The following EPC2 variants were observed in gnomAD, a reference collection of about 807,000 sequenced individuals.
EPC2 encodes the protein enhancer of polycomb homolog 2.
A neutral mutation model predicts 92.1 loss-of-function variants in EPC2; 14 were observed. The observed-to-expected ratio is 0.15, with a 90% CI of 0.10 to 0.24. The LOEUF (loss-of-function observed/expected upper bound fraction) is 0.24. Among genes scored for constraint, EPC2 ranks in the 10% least tolerant of loss-of-function variants. The probability of loss-of-function intolerance (pLI) is 1.00; values close to 1 mark genes in which losing one functional copy is unlikely to be tolerated. For missense variants in EPC2, 755 were observed against 971.5 expected (o/e 0.78, Z 2.96); for synonymous variants, 340 against 334.7 (o/e 1.02, Z -0.17).
At chr2:148,645,327 T>G in intron 1 of EPC2, 157 bp downstream of exon 1, 1 of 627,714 alleles carries the variant, frequency 1.6e-6, no homozygotes. Flanking sequence ...GTAAACCCTC[T>G]CGGCCGGCGT....
At chr2:148,664,624 C>G (rs892405367) in intron 1 of EPC2, among the ~76,000 whole-genome samples, 25 of 152,188 alleles carry the variant, frequency 1.6e-4, no homozygotes, top group Admixed American at 9.2e-4. Context: ...ATCAACAGAT[C>G]TCATCCCCCA....
At chr2:148,696,882 G>C (rs1019282280) in intron 2 of EPC2, among the ~76,000 whole-genome samples, 2 of 152,148 alleles carry the variant, frequency 1.3e-5, no homozygotes, top group Admixed American at 1.3e-4. Context: ...TCCATGGGCT[G>C]TCTACCTACA....
chr2:148,691,041 C>G (rs949259394), intron 2 of EPC2, among the ~76,000 whole-genome samples: 2 of 152,150 alleles, frequency 1.3e-5, no homozygotes, highest in Admixed American at 6.5e-5. Flanking sequence ...AATCTAATGC[C>G]TTTACTTTCA....
At chr2:148,702,175 TATC>T (rs1478120498) in intron 2 of EPC2, among the ~76,000 whole-genome samples, 2 of 152,222 alleles carry the variant, frequency 1.3e-5, no homozygotes, top group Non-Finnish European at 1.5e-5. Flanking sequence ...ACTGATTTCT[TATC>T]ATTTTAGAAA....
At chr2:148,774,625 T>C (rs942632510) in intron 10 of EPC2, among the ~76,000 whole-genome samples, 1 of 139,964 alleles carries the variant, frequency 7.1e-6, no homozygotes, top group Non-Finnish European at 1.5e-5. Context: ...AAATATATTT[T>C]ATATATATAT....
chr2:148,646,698 T>A (rs1399475274), intron 1 of EPC2, among the ~76,000 whole-genome samples: 1 of 152,100 alleles, frequency 6.6e-6, no homozygotes, highest in Non-Finnish European at 1.5e-5. Context: ...CATTGAACCC[T>A]AATAAGCACA....
chr2:148,652,763 G>A, intron 1 of EPC2, among the ~76,000 whole-genome samples: 1 of 152,098 alleles, frequency 6.6e-6, no homozygotes, highest in Non-Finnish European at 1.5e-5. Context: ...TTGGCTTATC[G>A]TTCTTTTATG....
At chr2:148,688,213 T>G (rs763575850) in intron 1 of EPC2, among the ~76,000 whole-genome samples, 1 of 152,164 alleles carries the variant, frequency 6.6e-6, no homozygotes, top group South Asian at 2.1e-4. Flanking sequence ...ATATGCACCA[T>G]GGAATACTAT....
At chr2:148,710,610 G>A (rs1005791198) in intron 2 of EPC2, among the ~76,000 whole-genome samples, 4 of 152,206 alleles carry the variant, frequency 2.6e-5, no homozygotes, top group South Asian at 2.1e-4. Flanking sequence ...ATGTCCAACA[G>A]TGATAGACTG....
intron 10 of EPC2, among the ~76,000 whole-genome samples, chr2:148,774,427 G>T (rs1258436897): frequency 6.6e-6 from 1 of 151,266 alleles, no homozygotes; most frequent in Non-Finnish European, 1.5e-5. Context: ...AGGAGTTCGA[G>T]ACCAGCCTGG....
intron 4 of EPC2, 118 bp downstream of exon 4, chr2:148,754,251 C>G: frequency 1.2e-6 from 1 of 818,036 alleles, no homozygotes; most frequent in South Asian, 2.0e-5. Context: ...TGATGACTTT[C>G]TATAAGAAAT....
intron 1 of EPC2, among the ~76,000 whole-genome samples, chr2:148,668,666 G>C: frequency 6.6e-6 from 1 of 152,254 alleles, no homozygotes; most frequent in Non-Finnish European, 1.5e-5. Context: ...CTTCTTTCAA[G>C]GAATTTGTCC....
intron 1 of EPC2, among the ~76,000 whole-genome samples, chr2:148,661,010 C>A (rs992497296): frequency 1.3e-5 from 2 of 151,870 alleles, no homozygotes; most frequent in African/African-American, 4.8e-5. Flanking sequence ...GTCACTTCCC[C>A]TTACTCATTA....
chr2:148,762,101 T>G, intron 5 of EPC2, 171 bp downstream of exon 5: 1 of 513,700 alleles, frequency 1.9e-6, no homozygotes, highest in Non-Finnish European at 3.2e-6. Flanking sequence ...ATAGATTAAG[T>G]TATCAATTTG....
intron 2 of EPC2, among the ~76,000 whole-genome samples, chr2:148,725,745 T>C (rs1459925131): frequency 6.6e-6 from 1 of 152,136 alleles, no homozygotes; most frequent in African/African-American, 2.4e-5. Context: ...GTTCCTCAAT[T>C]TGGGTATACT....
chr2:148,673,095 T>TC (rs1476391735), intron 1 of EPC2, among the ~76,000 whole-genome samples: 1 of 152,220 alleles, frequency 6.6e-6, no homozygotes, highest in African/African-American at 2.4e-5. Context: ...AAGTTGTTTT[T>TC]CTCTTACTTT....
chr2:148,698,096 A>G (rs1681789435), intron 2 of EPC2, among the ~76,000 whole-genome samples: 1 of 152,194 alleles, frequency 6.6e-6, no homozygotes, highest in Admixed American at 6.5e-5. Flanking sequence ...GCTAAAGTAG[A>G]TAGCAAGTGA....
intron 10 of EPC2, among the ~76,000 whole-genome samples, chr2:148,773,446 C>A (rs569815905): frequency 2.0e-5 from 3 of 151,972 alleles, no homozygotes; most frequent in Admixed American, 6.5e-5. Context: ...AGTACCATTT[C>A]TTTCTTCCCT....
chr2:148,668,579 C>T (rs1681097064), intron 1 of EPC2, among the ~76,000 whole-genome samples: 1 of 152,116 alleles, frequency 6.6e-6, no homozygotes, highest in South Asian at 2.1e-4. Context: ...CTGGAGTTTT[C>T]TTTGTGTGAA....
Sources: gnomAD v4.1 joint callset for allele counts (sites outside exome capture counted in the v4.1 genomes callset) on GRCh38, gnomAD v4.1.1 for gene constraint, MANE v1.5 for transcripts, NCBI Gene and HGNC (gene_info 2026-07-23, HGNC 2026-07-21) for gene names.